Variants in RIMS2 observed in about 807,000 individuals in gnomAD.
RIMS2 encodes the protein regulating synaptic membrane exocytosis protein 2.
Under a neutral mutation model 174.4 loss-of-function variants are expected in RIMS2, and 59 were observed. The ratio of observed to expected loss-of-function variants is 0.34; its 90% CI spans 0.27 to 0.42. The LOEUF is 0.42. Among genes scored for constraint, RIMS2 ranks in the 10% least tolerant of loss-of-function variants. The pLI, the probability that RIMS2 is intolerant of heterozygous loss-of-function variation, is 1.00. For synonymous variants in RIMS2, 606 were observed against 572.5 expected, an observed-to-expected ratio of 1.06 and a Z score of -0.84; for missense variants, 1,620 against 1,666.3, an observed-to-expected ratio of 0.97 and a Z score of 0.48.
intron 1 of RIMS2, among the ~76,000 whole-genome samples, chr8:103,529,602 C>T (rs984165463): frequency 6.6e-5 from 10 of 152,320 alleles, no homozygotes; most frequent in South Asian, 2.1e-4. Flanking sequence ...TGCCCTGCTT[C>T]GGCTCATGCT....
intron 1 of RIMS2, among the ~76,000 whole-genome samples, chr8:103,607,948 G>A (rs923462052): frequency 7.0e-6 from 1 of 143,856 alleles, no homozygotes; most frequent in Non-Finnish European, 1.5e-5. Flanking sequence ...TGGTCTGAAT[G>A]TCCTCCCATA....
At chr8:103,878,516 T>C (rs1215194378) in intron 3 of RIMS2, among the ~76,000 whole-genome samples, 1 of 151,844 alleles carries the variant, frequency 6.6e-6, no homozygotes, top group Non-Finnish European at 1.5e-5. Flanking sequence ...TTGGAGATAT[T>C]GATCTCTATC....
intron 6 of RIMS2, among the ~76,000 whole-genome samples, chr8:103,914,354 C>T (rs923015680): frequency 1.2e-4 from 18 of 152,176 alleles, no homozygotes; most frequent in African/African-American, 3.9e-4. Flanking sequence ...GACAAATAAA[C>T]TTCTCTTAGC....
intron 2 of RIMS2, among the ~76,000 whole-genome samples, chr8:103,698,084 T>C (rs1224803638): frequency 2.6e-5 from 4 of 152,250 alleles, no homozygotes; most frequent in South Asian, 4.1e-4. Flanking sequence ...GCTATTTTTT[T>C]ACATACATTA....
intron 1 of RIMS2, among the ~76,000 whole-genome samples, chr8:103,571,921 A>G (rs1249120385): frequency 6.6e-6 from 1 of 152,184 alleles, no homozygotes; most frequent in African/African-American, 2.4e-5. Flanking sequence ...TAGTTCCCTC[A>G]CATATTTCTA....
At chr8:103,518,688 G>C (rs552626609) in intron 1 of RIMS2, among the ~76,000 whole-genome samples, 1 of 152,116 alleles carries the variant, frequency 6.6e-6, no homozygotes, top group South Asian at 2.1e-4. Context: ...TATTTGATCT[G>C]TAGTGAAAGG....
At chr8:104,034,648 T>C (rs2096476282) in intron 19 of RIMS2, among the ~76,000 whole-genome samples, 1 of 151,884 alleles carries the variant, frequency 6.6e-6, no homozygotes, top group African/African-American at 2.4e-5. Context: ...TTTTGTATTT[T>C]TAGTAGAGAC....
intron 19 of RIMS2, among the ~76,000 whole-genome samples, chr8:104,184,729 A>C (rs761420062): frequency 6.6e-6 from 1 of 151,606 alleles, no homozygotes; most frequent in Non-Finnish European, 1.5e-5. Context: ...AAAAAAATCA[A>C]GATAACATGA....
rs1427394674 is a variant in RIMS2 at position 103,945,229 on chromosome 8, AC to A, written c.2701+2304del. On this transcript the variant is annotated intron_variant, in intron 14 of 23. Transcript: ENST00000504942. Reference sequence around the variant, plus strand: ...CTATGCCAAAAAGTTAAACAACATTACAGAAACTGATCCATAAAAAGCTAAA... The same window carrying A: ...CTATGCCAAAAAGTTAAACAACATTAAGAAACTGATCCATAAAAAGCTAAA... Among the ~76,000 whole-genome samples the A allele has an allele frequency of 2.7e-5, 4 of 149,492 alleles. No homozygotes were observed. In the Admixed American group the frequency reaches 3.1e-4, roughly 12 times the overall value.
intron 19 of RIMS2, among the ~76,000 whole-genome samples, chr8:104,046,638 CA>C (rs1329075209): frequency 1.3e-5 from 2 of 151,900 alleles, no homozygotes; most frequent in East Asian, 3.9e-4. Context: ...TTATTATTAT[CA>C]ATTATATTTC....
chr8:103,541,300 A>G (rs961626333), intron 1 of RIMS2, among the ~76,000 whole-genome samples: 2 of 152,264 alleles, frequency 1.3e-5, no homozygotes, highest in African/African-American at 2.4e-5. Flanking sequence ...GCTTCTCAGC[A>G]GAAACCTTAC....
Position 103,733,857 on chromosome 8 carries a change from T to A in RIMS2, c.388-32370T>A, listed in dbSNP as rs558899743. Reference sequence around the variant, plus strand: ...CTATCTTCAGTTCCTGTTTTCTTAATATGTTGTTTAAACCAGATACTGTGA... The same window carrying A: ...CTATCTTCAGTTCCTGTTTTCTTAAAATGTTGTTTAAACCAGATACTGTGA... On this transcript the variant is annotated intron_variant, in intron 2 of 23. Transcript: ENST00000504942. Among the ~76,000 whole-genome samples, 7 of 152,198 alleles carry A rather than the reference T, an allele frequency of 4.6e-5. No individual in the cohort carries two copies. In the South Asian group the frequency reaches 1.2e-3, roughly 27 times the overall value.
intron 1 of RIMS2, among the ~76,000 whole-genome samples, chr8:103,616,120 C>A (rs1425174366): frequency 6.6e-6 from 1 of 152,028 alleles, no homozygotes. Context: ...TAAAAATCAA[C>A]AAAATACTTG....
chr8:103,763,592 G>A (rs1246028817), intron 2 of RIMS2, among the ~76,000 whole-genome samples: 1 of 152,028 alleles, frequency 6.6e-6, no homozygotes, highest in Non-Finnish European at 1.5e-5. Context: ...GATTTAGGAA[G>A]GAACAAATGA....
At chr8:103,803,569 G>A (rs72681303) in intron 3 of RIMS2, among the ~76,000 whole-genome samples, 8,066 of 152,272 alleles carry the variant, frequency 0.053, 301 homozygotes, top group Middle Eastern at 0.099. Context: ...TCTAAGTTAT[G>A]TACAATGAGA....
intron 2 of RIMS2, among the ~76,000 whole-genome samples, chr8:103,728,752 T>C (rs1312206292): frequency 3.4e-5 from 5 of 149,214 alleles, no homozygotes; most frequent in Admixed American, 6.7e-5. Flanking sequence ...CTCCTTCTTT[T>C]TTTTTTTTTT....
intron 2 of RIMS2, among the ~76,000 whole-genome samples, chr8:103,741,839 T>G (rs932234848): frequency 6.6e-6 from 1 of 152,112 alleles, no homozygotes; most frequent in Non-Finnish European, 1.5e-5. Flanking sequence ...CCAAAGCTGG[T>G]CCTGTTGTCA....
chr8:104,005,118 G>GA (rs34333160), intron 17 of RIMS2, among the ~76,000 whole-genome samples: 1 of 152,192 alleles, frequency 6.6e-6, no homozygotes, highest in Non-Finnish European at 1.5e-5. Context: ...TGGGGTTCAT[G>GA]ATTGTTCAAT....
At chr8:103,903,489 T>C (rs943573399) in intron 4 of RIMS2, among the ~76,000 whole-genome samples, 2 of 152,140 alleles carry the variant, frequency 1.3e-5, no homozygotes, top group Non-Finnish European at 2.9e-5. Flanking sequence ...CAAAATGTTG[T>C]AAATAGAATA....
Sources: gnomAD v4.1 joint callset for allele counts (sites outside exome capture counted in the v4.1 genomes callset) on GRCh38, gnomAD v4.1.1 for gene constraint, MANE v1.5 for transcripts, NCBI Gene and HGNC (gene_info 2026-07-23, HGNC 2026-07-21) for gene names.